The following GRIK2 variants were observed in gnomAD, a reference collection of about 807,000 sequenced individuals.
GRIK2 encodes glutamate receptor ionotropic, kainate 2.
Under a neutral mutation model 100.3 loss-of-function variants are expected in GRIK2, and 32 were observed. That is an observed-to-expected ratio of 0.32 (90% confidence interval 0.24 to 0.43). The LOEUF (loss-of-function observed/expected upper bound fraction) is 0.43. Among genes scored for constraint, GRIK2 ranks in the 20% least tolerant of loss-of-function variants. GRIK2 has a pLI of 1.00. For synonymous variants in GRIK2, 417 were observed against 389.4 expected (o/e 1.07, Z -0.83); for missense variants, 843 against 1,114.9 (o/e 0.76, Z 3.47).
chr6:101,967,959 T>C (rs10046351), intron 14 of GRIK2, among the ~76,000 whole-genome samples: 7,430 of 119,920 alleles, frequency 0.062, 379 homozygotes, highest in African/African-American at 0.16. Context: ...GTAGGAGAAA[T>C]AGGAGGAAAA....
chr6:101,506,222 A>G (rs1774019292), intron 2 of GRIK2, among the ~76,000 whole-genome samples: 1 of 152,150 alleles, frequency 6.6e-6, no homozygotes, highest in Non-Finnish European at 1.5e-5. Flanking sequence ...AGTTAAAAAC[A>G]CTGTTCATGT....
chr6:101,509,382 A>C (rs1296510322), intron 2 of GRIK2, among the ~76,000 whole-genome samples: 1 of 152,154 alleles, frequency 6.6e-6, no homozygotes. Flanking sequence ...TAGTCCTAGA[A>C]CATTGTGTGT....
chr6:101,848,695 G>A (rs988637932), intron 10 of GRIK2, among the ~76,000 whole-genome samples: 4 of 151,986 alleles, frequency 2.6e-5, no homozygotes, highest in Admixed American at 1.3e-4. Context: ...CAGGAGTGGC[G>A]GTAGTCAATT....
chr6:101,810,286 T>C (rs924200603), intron 9 of GRIK2, among the ~76,000 whole-genome samples: 1 of 152,038 alleles, frequency 6.6e-6, no homozygotes, highest in Non-Finnish European at 1.5e-5. Flanking sequence ...GTCTGTTAAC[T>C]CTTTAATTGT....
At chr6:101,541,957 T>C (rs1183022824) in intron 2 of GRIK2, among the ~76,000 whole-genome samples, 1 of 152,118 alleles carries the variant, frequency 6.6e-6, no homozygotes, top group Non-Finnish European at 1.5e-5. Context: ...AAAGACAATA[T>C]AAATTATTTT....
intron 4 of GRIK2, among the ~76,000 whole-genome samples, chr6:101,673,729 A>G (rs890160010): frequency 5.3e-5 from 8 of 152,136 alleles, no homozygotes; most frequent in Admixed American, 2.0e-4. Context: ...TGATTCCTCA[A>G]TGATGTGTTC....
chr6:101,793,101 A>G (rs1287209943), intron 7 of GRIK2, among the ~76,000 whole-genome samples: 1 of 152,010 alleles, frequency 6.6e-6, no homozygotes, highest in Non-Finnish European at 1.5e-5. Context: ...TTCTATTTAT[A>G]CATTCGTCTA....
chr6:101,775,549 GAGA>G (rs1220935423), intron 7 of GRIK2, among the ~76,000 whole-genome samples: 84 of 3,618 alleles, frequency 0.023, no homozygotes, highest in Admixed American at 0.067. Flanking sequence ...ATATGTGTGT[GAGA>G]TATATATATA....
At chr6:101,944,326 T>G (rs1791141084) in intron 14 of GRIK2, among the ~76,000 whole-genome samples, 1 of 152,234 alleles carries the variant, frequency 6.6e-6, no homozygotes, top group Non-Finnish European at 1.5e-5. Context: ...CTTTACTATA[T>G]GACACTGAAA....
chr6:101,859,954 C>A (rs1236041301), intron 11 of GRIK2, among the ~76,000 whole-genome samples: 3 of 151,984 alleles, frequency 2.0e-5, no homozygotes, highest in Non-Finnish European at 4.4e-5. Flanking sequence ...AAGAATCAGG[C>A]CTTTTTTTAG....
At chr6:102,065,969 G>T in intron 16 of GRIK2, 1 of 1,141,004 alleles carries the variant, frequency 8.8e-7, no homozygotes. Context: ...CCATATACTG[G>T]CTGTCAGGTG....
At chr6:101,950,277 G>GT (rs1215992062) in intron 14 of GRIK2, among the ~76,000 whole-genome samples, 1 of 151,910 alleles carries the variant, frequency 6.6e-6, no homozygotes, top group Non-Finnish European at 1.5e-5. Flanking sequence ...TCCTTTTCTT[G>GT]TTTTTTGGAC....
chr6:101,397,272 A>G (rs983850880), intron 1 of GRIK2, among the ~76,000 whole-genome samples: 5 of 152,214 alleles, frequency 3.3e-5, no homozygotes, highest in African/African-American at 1.2e-4. Context: ...AGTCATTATT[A>G]TCTCTGCTAG....
chr6:101,409,728 T>C (rs968718448), intron 2 of GRIK2, among the ~76,000 whole-genome samples: 6 of 152,014 alleles, frequency 3.9e-5, no homozygotes, highest in Non-Finnish European at 8.8e-5. Flanking sequence ...CCAAGGATAA[T>C]AGATAATGTT....
chr6:101,518,678 A>G (rs1774714539), intron 2 of GRIK2, among the ~76,000 whole-genome samples: 1 of 152,168 alleles, frequency 6.6e-6, no homozygotes, highest in African/African-American at 2.4e-5. Context: ...GGCCCACTAT[A>G]TAGCTCTTTT....
intron 16 of GRIK2, chr6:102,063,984 C>T: frequency 6.5e-7 from 1 of 1,549,444 alleles, no homozygotes; most frequent in African/African-American, 1.4e-5. Flanking sequence ...TGGTTAGTGC[C>T]ACCATACCAT....
intron 4 of GRIK2, among the ~76,000 whole-genome samples, chr6:101,674,217 G>T (rs1321540790): frequency 6.6e-6 from 1 of 152,118 alleles, no homozygotes; most frequent in African/African-American, 2.4e-5. Flanking sequence ...TTGGAAATTG[G>T]CCTCATTCTT....
At chr6:101,775,160 C>T (rs1431765736) in intron 7 of GRIK2, among the ~76,000 whole-genome samples, 1 of 152,152 alleles carries the variant, frequency 6.6e-6, no homozygotes, top group Non-Finnish European at 1.5e-5. Flanking sequence ...GTGTCAGCCA[C>T]ATTTTAGGCT....
chr6:101,995,750 C>T (rs1020643193), intron 14 of GRIK2, among the ~76,000 whole-genome samples: 4 of 151,554 alleles, frequency 2.6e-5, no homozygotes, highest in African/African-American at 9.7e-5. Context: ...CATAATCTTT[C>T]CAAATTACCT....
Sources: allele counts gnomAD v4.1 joint callset (sites outside exome capture counted in the v4.1 genomes callset), GRCh38; gene constraint gnomAD v4.1.1; transcripts MANE v1.5; gene names NCBI Gene and HGNC (gene_info 2026-07-23, HGNC 2026-07-21).